SUGCT: variants seen among roughly 807,000 people sequenced by gnomAD.
SUGCT encodes succinyl-CoA:glutarate-CoA transferase, also known as succinyl-CoA:glutarate CoA-transferase.
A neutral mutation model predicts 55.0 loss-of-function variants in SUGCT; 41 were observed. That is an observed-to-expected ratio of 0.74 (90% CI 0.58 to 0.97). SUGCT has a LOEUF of 0.97. SUGCT is among the 50% of genes least tolerant of loss of function. The pLI, the probability that SUGCT is intolerant of heterozygous loss-of-function variation, is 0.00. For synonymous variants in SUGCT, 187 were observed against 200.4 expected (o/e 0.93, Z 0.56); for missense variants, 568 against 547.8 (o/e 1.04, Z -0.37).
At chr7:40,410,662 A>G (rs1183011095) in intron 9 of SUGCT, among the ~76,000 whole-genome samples, 1 of 152,092 alleles carries the variant, frequency 6.6e-6, no homozygotes, top group African/African-American at 2.4e-5. Context: ...TATGCCTCCA[A>G]CCTTTTATTA....
At chr7:40,507,307 C>G (rs1792662751) in intron 12 of SUGCT, among the ~76,000 whole-genome samples, 1 of 152,094 alleles carries the variant, frequency 6.6e-6, no homozygotes, top group Non-Finnish European at 1.5e-5. Context: ...CTGAGTCTTT[C>G]CAATTGTTTT....
At chr7:40,769,098 T>TA (rs113250879) in intron 13 of SUGCT, among the ~76,000 whole-genome samples, 24,205 of 150,658 alleles carry the variant, frequency 0.16, 2,444 homozygotes, top group African/African-American at 0.29. Context: ...TGGGGAGCAG[T>TA]AAAAAAAAAC....
the SUGCT span, among the ~76,000 whole-genome samples, chr7:40,916,594 A>T: frequency 6.6e-6 from 1 of 152,208 alleles, no homozygotes; most frequent in Non-Finnish European, 1.5e-5. Flanking sequence ...ATCTAGGTCT[A>T]CACTTGAATA....
chr7:40,584,391 G>A (rs1051169651), intron 12 of SUGCT, among the ~76,000 whole-genome samples: 2 of 152,140 alleles, frequency 1.3e-5, no homozygotes, highest in Admixed American at 6.5e-5. Context: ...CAGAAAAAAA[G>A]CAGAAAACAG....
Position 40,860,513 on chromosome 7 carries a change from C to A in SUGCT, c.*34C>A. 6.3e-7 allele frequency: 1 copy of A among 1,588,760 alleles called. No individual in the cohort carries two copies. The highest frequency in any genetic ancestry group is 1.1e-5 in the South Asian group (1 of 87,668). On this transcript the variant is annotated 3_prime_UTR_variant, in exon 14 of 14. Coordinates refer to ENST00000335693, the MANE Select transcript of SUGCT (RefSeq NM_001193313.2). ...AAGGGCTCTTCCTCATAACCTCGAT[C>A]CGAATACACTGGCAAAGGCAACACT...
At chr7:40,789,184 G>T (rs1267091711) in intron 13 of SUGCT, among the ~76,000 whole-genome samples, 1 of 152,044 alleles carries the variant, frequency 6.6e-6, no homozygotes, top group African/African-American at 2.4e-5. Flanking sequence ...GTTAACTATA[G>T]AACAATATTG....
At chr7:40,631,832 T>C (rs1281959396) in intron 12 of SUGCT, among the ~76,000 whole-genome samples, 1 of 152,202 alleles carries the variant, frequency 6.6e-6, no homozygotes, top group Non-Finnish European at 1.5e-5. Flanking sequence ...GATATTCCCG[T>C]GGTCATGAAC....
intron 13 of SUGCT, among the ~76,000 whole-genome samples, chr7:40,815,395 T>C (rs1195158968): frequency 6.6e-6 from 1 of 152,234 alleles, no homozygotes; most frequent in Non-Finnish European, 1.5e-5. Context: ...GTACTCCAGA[T>C]GCCTGGAGGT....
intron 12 of SUGCT, among the ~76,000 whole-genome samples, chr7:40,680,094 C>T (rs1784169816): frequency 6.6e-6 from 1 of 152,146 alleles, no homozygotes; most frequent in African/African-American, 2.4e-5. Context: ...TTAATCTTCA[C>T]AGAAGGTTTA....
At chr7:40,241,897 C>T (rs548848234) in intron 7 of SUGCT, among the ~76,000 whole-genome samples, 7 of 136,456 alleles carry the variant, frequency 5.1e-5, no homozygotes, top group Admixed American at 1.6e-4. Context: ...TCCAGCCTGG[C>T]GACAGACCAA....
chr7:40,742,699 A>G (rs1479455991), intron 12 of SUGCT, among the ~76,000 whole-genome samples: 1 of 152,194 alleles, frequency 6.6e-6, no homozygotes, highest in Non-Finnish European at 1.5e-5. Flanking sequence ...TGATGTAAGT[A>G]AAGTTAGGAA....
At chr7:40,721,292 T>C (rs780457244) in intron 12 of SUGCT, among the ~76,000 whole-genome samples, 6 of 152,180 alleles carry the variant, frequency 3.9e-5, no homozygotes, top group African/African-American at 7.2e-5. Context: ...AGCTGCCATT[T>C]TATACTATGC....
intron 12 of SUGCT, among the ~76,000 whole-genome samples, chr7:40,537,826 G>C (rs777862152): frequency 6.6e-6 from 1 of 152,130 alleles, no homozygotes; most frequent in Non-Finnish European, 1.5e-5. Context: ...GTCACATGAG[G>C]CTAATCTTAG....
intron 12 of SUGCT, among the ~76,000 whole-genome samples, chr7:40,747,904 C>T (rs1787813062): frequency 6.6e-6 from 1 of 152,128 alleles, no homozygotes; most frequent in Non-Finnish European, 1.5e-5. Context: ...CCATCCACCA[C>T]CTTTAGTTGG....
At chr7:40,892,456 C>G in the SUGCT span, among the ~76,000 whole-genome samples, 1 of 152,142 alleles carries the variant, frequency 6.6e-6, no homozygotes, top group South Asian at 2.1e-4. Flanking sequence ...AATAAAGGAA[C>G]TATAATACTA....
the SUGCT span, among the ~76,000 whole-genome samples, chr7:40,912,312 GAT>G: frequency 6.6e-6 from 1 of 152,118 alleles, no homozygotes; most frequent in East Asian, 1.9e-4. Context: ...TAATTCAGAT[GAT>G]TTTAGAGGTT....
At position 40,439,198 on chromosome 7, in the gene SUGCT, C is replaced by T. The variant is rs192686891; in HGVS notation, c.817-10089C>T. On this transcript the variant is annotated intron_variant, in intron 9 of 13. Coordinates refer to ENST00000335693, the MANE Select transcript of SUGCT (RefSeq NM_001193313.2). ...ACACTGTGGATCTCTAGGCATAACC[C>T]GAACCTGCCTCACTCCTTTAATCAC... Among the ~76,000 whole-genome samples, 643 of 148,494 alleles carry T rather than the reference C, an allele frequency of 4.3e-3. 2 individuals carry two copies. Among genetic ancestry groups the T allele is most frequent in the Non-Finnish European group, 7.1e-3 (481 of 67,278 alleles).
At chr7:40,310,790 T>C (rs1023411644) in intron 8 of SUGCT, among the ~76,000 whole-genome samples, 2 of 152,220 alleles carry the variant, frequency 1.3e-5, no homozygotes, top group African/African-American at 4.8e-5. Flanking sequence ...AAACCACCCA[T>C]TCTTGGCATT....
At chr7:40,707,952 A>C (rs998833148) in intron 12 of SUGCT, among the ~76,000 whole-genome samples, 5 of 152,226 alleles carry the variant, frequency 3.3e-5, no homozygotes, top group African/African-American at 1.2e-4. Context: ...TGGGAGAAGA[A>C]ATGAATTACA....
Sources: allele counts gnomAD v4.1 joint callset (sites outside exome capture counted in the v4.1 genomes callset), GRCh38; gene constraint gnomAD v4.1.1; transcripts MANE v1.5; gene names NCBI Gene and HGNC (gene_info 2026-07-23, HGNC 2026-07-21).